The following SLC5A4 variants were observed in gnomAD, a reference collection of about 807,000 sequenced individuals.
The protein encoded by SLC5A4 is solute carrier family 5 member 4, also known as probable glucose sensor protein SLC5A4.
SLC5A4 carries 55 observed loss-of-function variants against 70.3 expected under a neutral mutation model. The ratio of observed to expected loss-of-function variants is 0.78; its 90% CI spans 0.63 to 0.98. The LOEUF is 0.98. Among genes scored for constraint, SLC5A4 ranks in the 50% least tolerant of loss-of-function variants. The probability of loss-of-function intolerance (pLI) is 0.00; values close to 1 mark genes in which losing one functional copy is unlikely to be tolerated. For synonymous variants in SLC5A4, 268 were observed against 305.7 expected (o/e 0.88, Z 1.29); for missense variants, 735 against 839.2 (o/e 0.88, Z 1.53).
intron 13 of SLC5A4, among the ~76,000 whole-genome samples, chr22:32,221,398 G>A (rs1925073867): frequency 6.6e-6 from 1 of 151,984 alleles, no homozygotes. Flanking sequence ...TTTATCTAGT[G>A]GTTGCTTTTA....
chr22:32,329,398 C>CA, the SLC5A4 span, among the ~76,000 whole-genome samples: 2 of 152,200 alleles, frequency 1.3e-5, 1 homozygote, highest in Non-Finnish European at 2.9e-5. Flanking sequence ...CGGGAGAAAA[C>CA]ATTCACAGCG....
the SLC5A4 span, among the ~76,000 whole-genome samples, chr22:32,335,671 C>T: frequency 6.6e-6 from 1 of 152,188 alleles, no homozygotes; most frequent in African/African-American, 2.4e-5. Flanking sequence ...GCCCAGGCGG[C>T]CCCAGAGCCC....
the SLC5A4 span, among the ~76,000 whole-genome samples, chr22:32,274,858 T>C: frequency 6.6e-6 from 1 of 152,256 alleles, no homozygotes; most frequent in Non-Finnish European, 1.5e-5. Flanking sequence ...ATTTTTCCAA[T>C]GATTTTCTTA....
the SLC5A4 span, among the ~76,000 whole-genome samples, chr22:32,337,362 G>A: frequency 1.3e-5 from 2 of 152,108 alleles, no homozygotes; most frequent in African/African-American, 4.8e-5. Context: ...GCAAAACTCT[G>A]TCTCTACTAA....
the SLC5A4 span, among the ~76,000 whole-genome samples, chr22:32,291,205 T>C: frequency 1.8e-5 from 2 of 108,730 alleles, no homozygotes; most frequent in Non-Finnish European, 3.8e-5. Context: ...GTTTGACTGT[T>C]CTTTTTTTTT....
chr22:32,231,609 C>A (rs918526254), intron 9 of SLC5A4, among the ~76,000 whole-genome samples: 14 of 152,236 alleles, frequency 9.2e-5, no homozygotes, highest in African/African-American at 3.4e-4. Flanking sequence ...ATTATGACAA[C>A]AGACAGGGAG....
the SLC5A4 span, among the ~76,000 whole-genome samples, chr22:32,281,881 T>C: frequency 1.6e-4 from 24 of 152,350 alleles, no homozygotes; most frequent in East Asian, 5.8e-4. Flanking sequence ...TCTCGCTCTG[T>C]AGCCCAGGCT....
chr22:32,329,899 GA>G, the SLC5A4 span, among the ~76,000 whole-genome samples: 8 of 37,290 alleles, frequency 2.1e-4, no homozygotes, highest in Non-Finnish European at 2.0e-4. Flanking sequence ...TATGTGTTGG[GA>G]GGCTCTGGTG....
chr22:32,280,267 T>C, the SLC5A4 span, among the ~76,000 whole-genome samples: 1 of 151,394 alleles, frequency 6.6e-6, no homozygotes, highest in African/African-American at 2.5e-5. Flanking sequence ...CCACCCCCCC[T>C]CAACCTCCCA....
In SLC5A4 at chr22:32,233,134, T is replaced by C. The variant is rs1009425515; in HGVS notation, c.886-100A>G. The C allele has an allele frequency of 6.1e-6, 8 of 1,303,620 alleles. No individual in the cohort carries two copies. In the Admixed American group the frequency reaches 1.3e-4, roughly 22 times the overall value. The allele number at this position is 1,303,620 out of a possible 1,614,324, so 80.8% of individuals were successfully genotyped here. On this transcript the variant is annotated intron_variant, in intron 8 of 14. Coordinates refer to ENST00000266086, the MANE Select transcript of SLC5A4 (RefSeq NM_014227.3). ...AGTTTAATGTTGCAATAAGAAATAA[T>C]GTGGACCAGTATACCAAAGAGCTAT...
chr22:32,268,915 G>C, the SLC5A4 span, among the ~76,000 whole-genome samples: 1 of 152,110 alleles, frequency 6.6e-6, no homozygotes, highest in African/African-American at 2.4e-5. Flanking sequence ...TTTTTCTCTT[G>C]AGACAGAGTT....
chr22:32,248,648 T>C, intron 4 of SLC5A4, 95 bp downstream of exon 4: 1 of 907,406 alleles, frequency 1.1e-6, no homozygotes, highest in Non-Finnish European at 1.8e-6. Context: ...AAGCCTTTTT[T>C]CCTGGCAATA....
chr22:32,311,430 CTGGCAGCGTGGCCTTTGGAGATGTTTG>C, the SLC5A4 span, among the ~76,000 whole-genome samples: 1 of 152,248 alleles, frequency 6.6e-6, no homozygotes, highest in South Asian at 2.1e-4. Flanking sequence ...TGTGTCTACA[CTGGCAGCGTGGCCTTTGGAGATGTTTG>C]TGATCATTTA....
the SLC5A4 span, among the ~76,000 whole-genome samples, chr22:32,299,001 G>A: frequency 7.3e-6 from 1 of 137,416 alleles, no homozygotes; most frequent in Non-Finnish European, 1.6e-5. Flanking sequence ...CTTCTGGCTT[G>A]TAGGGTTTCT....
At chr22:32,241,544 A>G (rs1926508097) in intron 5 of SLC5A4, among the ~76,000 whole-genome samples, 1 of 152,078 alleles carries the variant, frequency 6.6e-6, no homozygotes, top group Non-Finnish European at 1.5e-5. Context: ...TTTTAAAAAT[A>G]TTTACTTATT....
At chr22:32,283,003 C>G in the SLC5A4 span, among the ~76,000 whole-genome samples, 1 of 151,462 alleles carries the variant, frequency 6.6e-6, no homozygotes, top group East Asian at 1.9e-4. Context: ...TATGCTGCTC[C>G]TCTGCTCAAA....
At position 32,247,400 on chromosome 22, in the gene SLC5A4, T is replaced by G. The variant is rs1926889183; in HGVS notation, c.477+11A>C. On this transcript the variant is annotated intron_variant, in intron 5 of 14. Coordinates refer to ENST00000266086, the MANE Select transcript of SLC5A4 (RefSeq NM_014227.3). ...TCTTGAAGCTAAAATGCCAGGAGGC[T>G]CTGAACTCACAGAAATTAACAAAAC... 2.5e-6 allele frequency: 4 copies of G among 1,568,916 alleles called. No individual in the cohort carries two copies. The highest frequency in any genetic ancestry group is 2.6e-6 in the Non-Finnish European group (3 of 1,138,928).
At chr22:32,271,639 C>G in the SLC5A4 span, 324 of 618,214 alleles carry the variant, frequency 5.2e-4, 2 homozygotes, top group African/African-American at 5.4e-3. Flanking sequence ...TCATCTGCGG[C>G]CCCTCACCTC....
chr22:32,306,472 AAAAAAC>A, the SLC5A4 span, among the ~76,000 whole-genome samples: 1 of 150,070 alleles, frequency 6.7e-6, no homozygotes, highest in African/African-American at 2.5e-5. Flanking sequence ...TCTCAAAAAA[AAAAAAC>A]AAAAACTACT....
Sources: gnomAD v4.1 joint callset for allele counts (sites outside exome capture counted in the v4.1 genomes callset) on GRCh38, gnomAD v4.1.1 for gene constraint, MANE v1.5 for transcripts, NCBI Gene and HGNC (gene_info 2026-07-23, HGNC 2026-07-21) for gene names.